Variants in HEXD observed in about 807,000 individuals in gnomAD.
The protein encoded by HEXD is N-acetyl-beta-galactosaminidase.
HEXD carries 47 observed loss-of-function variants against 54.2 expected under a neutral mutation model. The observed-to-expected ratio is 0.87, with a 90% confidence interval of 0.69 to 1.11. The LOEUF (loss-of-function observed/expected upper bound fraction) is 1.11, where lower values mean the gene tolerates loss of function less well. HEXD is among the 50% of genes least tolerant of loss of function. The pLI is 0.00. For synonymous variants in HEXD, 293 were observed against 287.6 expected (o/e 1.02, Z -0.19); for missense variants, 576 against 649.2 (o/e 0.89, Z 1.23).
intron 8 of HEXD, among the ~76,000 whole-genome samples, chr17:82,438,892 G>C (rs1372005369): frequency 6.6e-6 from 1 of 152,264 alleles, no homozygotes; most frequent in Non-Finnish European, 1.5e-5. Context: ...ATCGTCCATA[G>C]AGCGGGGCGA....
At chr17:82,439,966 G>C (rs1406612859) in intron 9 of HEXD, 2 of 1,484,972 alleles carry the variant, frequency 1.3e-6, no homozygotes, top group Admixed American at 2.0e-5. Flanking sequence ...CTCAGACACA[G>C]TGAATCCGCA....
rs2054004047 is a variant in HEXD, at chr17:82,442,141, G to A, written c.1254-36G>A. ...ATGGGGCTGAGGGCAAGTCCCAAGT[G>A]TGCAGACTGTGCGTTCATGGCGCCC... On this transcript the variant is annotated intron_variant, in intron 12 of 12. Coordinates refer to ENST00000327949, the MANE Select transcript of HEXD (RefSeq NM_001330542.2). This position sits in a 1 kb window ranked among gnomAD's most constrained non-coding sequence, Gnocchi z 6.8. The A allele has an allele frequency of 6.3e-7, 1 of 1,579,852 alleles. No individual in the cohort carries two copies. Among genetic ancestry groups the A allele is most frequent in the Non-Finnish European group, 8.6e-7 (1 of 1,166,172 alleles).
intron 8 of HEXD, among the ~76,000 whole-genome samples, chr17:82,437,714 T>C (rs1348406732): frequency 6.6e-6 from 1 of 152,024 alleles, no homozygotes; most frequent in Non-Finnish European, 1.5e-5. Flanking sequence ...AGAAATGCCG[T>C]CTCAATTCGG....
Position 82,435,722 on chromosome 17 carries a change from C to A in HEXD, c.481C>A (p.Arg161=). ...YYLGEGEASR[R]WLQQEQNSTG... The stretch of plus-strand genomic sequence containing the variant: ...CCTCGGAGAGGGGGAGGCCTCGCGC[C>A]GGTGGCTACAGCAAGAGCAGAACAG... The change falls in exon 6 of 13, where the codon CGG becomes AGG. Residue 161 remains arginine, a synonymous_variant. Transcript: ENST00000327949. The A allele has an allele frequency of 6.2e-7, 1 of 1,612,728 alleles. No homozygotes were observed. Among genetic ancestry groups the A allele is most frequent in the Non-Finnish European group, 8.5e-7 (1 of 1,179,660 alleles).
chr17:82,432,666 TC>T (rs1190360703), intron 4 of HEXD, among the ~76,000 whole-genome samples: 28 of 151,990 alleles, frequency 1.8e-4, no homozygotes, highest in Middle Eastern at 3.4e-3. Context: ...AGCCTCAACT[TC>T]CTAGGCTCCA....
chr17:82,433,933 C>G (rs2053683807), intron 5 of HEXD, 111 bp downstream of exon 5: 1 of 989,696 alleles, frequency 1.0e-6, no homozygotes, highest in Non-Finnish European at 1.4e-6. Flanking sequence ...CTTGTTGTTC[C>G]CCTCAGGGCA....
intron 11 of HEXD, 48 bp from the exon 12 acceptor site, chr17:82,441,752 C>A (rs369222926): frequency 6.8e-7 from 1 of 1,467,924 alleles, no homozygotes; most frequent in Admixed American, 1.7e-5. Flanking sequence ...AGCCGCCCCA[C>A]GGCTGCCTTG....
chr17:82,440,159 C>G, intron 9 of HEXD: 1 of 1,291,654 alleles, frequency 7.7e-7, no homozygotes, highest in South Asian at 1.2e-5. Flanking sequence ...GGGGCAGGCA[C>G]CGGGGAACCC....
chr17:82,434,079 G>A lies in HEXD; in HGVS notation c.447+257G>A, dbSNP rs1567891553. Among the ~76,000 whole-genome samples the A allele has an allele frequency of 6.6e-6, 1 of 152,202 alleles. No homozygotes were observed. The highest frequency in any genetic ancestry group is 2.4e-5 in the African/African-American group (1 of 41,466). ...TGGGCGGCCTGGCACGGGACAGCCT[G>A]CAGAGCCCGAGGGAGGCACCCTCGT... is the stretch of plus-strand genomic sequence containing the variant. On this transcript the variant is annotated intron_variant, in intron 5 of 12. Coordinates refer to ENST00000327949, the MANE Select transcript of HEXD (RefSeq NM_001330542.2). This position sits in a 1 kb window ranked among gnomAD's most constrained non-coding sequence, Gnocchi z 4.5.
rs1016546870 is a variant in HEXD at position 82,440,342 on chromosome 17, G to A, written c.982+629G>A. The A allele has an allele frequency of 4.2e-5, 51 of 1,226,432 alleles. 1 individual carries two copies. The Middle Eastern group carries it at 1.1e-3, about 26-fold the overall frequency. The allele number at this position is 1,226,432 out of a possible 1,614,324, so 76.0% of individuals were successfully genotyped here. ...GGGACGGGGACGCGGCCGGTGAGAG[G>A]ACGCAGAATGAGATCAGATTGACTT... is the stretch of plus-strand genomic sequence containing the variant. On this transcript the variant is annotated intron_variant, in intron 9 of 12. Transcript: ENST00000327949.
intron 2 of HEXD, among the ~76,000 whole-genome samples, chr17:82,423,917 C>T (rs2053315066): frequency 6.6e-6 from 1 of 152,188 alleles, no homozygotes; most frequent in South Asian, 2.1e-4. Context: ...GCACCCCTCT[C>T]TCACCTCCCC....
intron 6 of HEXD, 144 bp downstream of exon 6, chr17:82,436,016 C>T: frequency 2.5e-6 from 2 of 801,366 alleles, no homozygotes; most frequent in Admixed American, 5.5e-5. Flanking sequence ...CCTGCATCCC[C>T]TTGACGCCAG....
Position 82,431,778 on chromosome 17 carries a change from G to A in HEXD, c.283-1880G>A, listed in dbSNP as rs188258986. On this transcript the variant is annotated intron_variant, in intron 4 of 12. Transcript: ENST00000327949. ...TTGAAATATTTGATAAATTCTGCATGTGGGCCCTGAGAGTCAGAGTCTGTG... is the reference window on the plus strand; with the variant it reads ...TTGAAATATTTGATAAATTCTGCATATGGGCCCTGAGAGTCAGAGTCTGTG... 2.9e-3 allele frequency among the ~76,000 whole-genome samples: 445 copies of A among 152,242 alleles called. 2 individuals carry two copies. Among genetic ancestry groups the A allele is most frequent in the African/African-American group, 0.01 (425 of 41,532 alleles).
chr17:82,433,392 G>A (rs1021622318), intron 4 of HEXD, among the ~76,000 whole-genome samples: 3 of 151,890 alleles, frequency 2.0e-5, no homozygotes, highest in African/African-American at 7.3e-5. Flanking sequence ...GCAGTGAGCC[G>A]AGACTGTGCC....
At chr17:82,439,309 C>A in intron 8 of HEXD, 1 of 454,786 alleles carries the variant, frequency 2.2e-6, no homozygotes, top group Non-Finnish European at 2.9e-6. Context: ...TTCTCAGAGG[C>A]CAGAGGTGCT....
Position 82,418,395 on chromosome 17 carries a change from C to T in HEXD, c.-397C>T, listed in dbSNP as rs2053124930. ...GTCCGCCGCCGCAGCGCGCGCCCTTCCCCTCCTCACCGCTACCTGCTCCGG... is the reference window on the plus strand; with the variant it reads ...GTCCGCCGCCGCAGCGCGCGCCCTTTCCCTCCTCACCGCTACCTGCTCCGG... On this transcript the variant is annotated 5_prime_UTR_variant, in exon 1 of 13. Transcript: ENST00000327949. 2 of 1,471,700 alleles carry T rather than the reference C, an allele frequency of 1.4e-6. No homozygotes were observed. Among genetic ancestry groups the T allele is most frequent in the Non-Finnish European group, 9.0e-7 (1 of 1,114,808 alleles). The allele number at this position is 1,471,700 out of a possible 1,614,324, so 91.2% of individuals were successfully genotyped here. A position where few individuals can be genotyped will look rare whatever the true frequency, so the allele number is the denominator to read the frequency against.
At position 82,418,379 on chromosome 17, in the gene HEXD, C is replaced by G; in HGVS notation, c.-413C>G. On this transcript the variant is annotated 5_prime_UTR_variant, in exon 1 of 13. Transcript: ENST00000327949. ...CCCACTCCATGGCCCTGTCCGCCGC[C>G]GCAGCGCGCGCCCTTCCCCTCCTCA... 6.9e-7 allele frequency: 1 copy of G among 1,444,536 alleles called. No individual in the cohort carries two copies. Among genetic ancestry groups the G allele is most frequent in the East Asian group, 3.0e-5 (1 of 32,912 alleles). 89.5% of individuals were successfully genotyped at this position (1,444,536 alleles called of 1,614,324 possible). A position where few individuals can be genotyped will look rare whatever the true frequency, so the allele number is the denominator to read the frequency against.
intron 7 of HEXD, 57 bp downstream of exon 7, chr17:82,436,795 C>G (rs1483035135): frequency 4.7e-6 from 7 of 1,495,810 alleles, no homozygotes; most frequent in Non-Finnish European, 6.4e-6. Flanking sequence ...GGAAGGCCAT[C>G]CCTGGCCCTG....
In HEXD at chr17:82,435,886, G is replaced by A; in HGVS notation, c.631+14G>A. On this transcript the variant is annotated intron_variant, in intron 6 of 12. Coordinates refer to ENST00000327949, the MANE Select transcript of HEXD (RefSeq NM_001330542.2). Reference sequence around the variant, plus strand: ...ACCAGCTCGCAGGTCGGCCAACAGGGCTGGGGGAGGGGGTGGGCCACTGAA... The same window carrying A: ...ACCAGCTCGCAGGTCGGCCAACAGGACTGGGGGAGGGGGTGGGCCACTGAA... The A allele has an allele frequency of 6.3e-7, 1 of 1,597,670 alleles. No homozygotes were observed. The highest frequency in any genetic ancestry group is 8.5e-7 in the Non-Finnish European group (1 of 1,173,724).
Sources: gnomAD v4.1 joint callset for allele counts (sites outside exome capture counted in the v4.1 genomes callset) on GRCh38, gnomAD v4.1.1 for gene constraint, Gnocchi (gnomAD v3.1) non-coding constraint, MANE v1.5 for transcripts, NCBI Gene and HGNC (gene_info 2026-07-23, HGNC 2026-07-21) for gene names.